The following NEB variants were observed in gnomAD, a reference collection of about 807,000 sequenced individuals.
NEB encodes the protein nebulin.
A neutral mutation model predicts 952.2 loss-of-function variants in NEB; 512 were observed. The ratio of observed to expected loss-of-function variants is 0.54; its 90% CI spans 0.50 to 0.58. NEB has a LOEUF of 0.58. Ranked by LOEUF, NEB falls within the 20% of genes least tolerant of loss-of-function variation. The probability of loss-of-function intolerance (pLI) is 0.00; values close to 1 mark genes in which losing one functional copy is unlikely to be tolerated. For missense variants in NEB, 8,428 were observed against 9,231.1 expected (o/e 0.91, Z 3.56); for synonymous variants, 2,900 against 3,149.8 (o/e 0.92, Z 2.66).
At chr2:151,551,916 G>A (rs1359654734) in intron 128 of NEB, 71 bp from the exon 129 acceptor site, 7 of 1,068,162 alleles carry the variant, frequency 6.6e-6, no homozygotes, top group East Asian at 5.1e-5. Context: ...AAAAAATAAC[G>A]GTAGCCTGCT....
Position 151,639,833 on chromosome 2 carries a change from C to T in NEB, c.8889+24G>A, listed in dbSNP as rs781113210. 5.1e-6 allele frequency: 8 copies of T among 1,582,414 alleles called. 1 individual carries two copies. The Middle Eastern group carries it at 5.0e-4, about 99-fold the overall frequency. ...TGATTCAGCTTTAGGAGCCCCACTT[C>T]GATTCTTAATTTTGAAGTCTCACCT... On this transcript the variant is annotated intron_variant, in intron 62 of 181. Coordinates refer to ENST00000397345, the MANE Select transcript of NEB (RefSeq NM_001164508.2).
chr2:151,530,963 A>G, intron 145 of NEB, 31 bp downstream of exon 145: 6 of 1,452,060 alleles, frequency 4.1e-6, no homozygotes, highest in Non-Finnish European at 5.8e-6. Flanking sequence ...GGCCAAGATG[A>G]GAGGGACTGC....
chr2:151,619,052 A>C (rs922424958), intron 73 of NEB, among the ~76,000 whole-genome samples: 11 of 152,246 alleles, frequency 7.2e-5, no homozygotes, highest in African/African-American at 2.7e-4. Context: ...TAAGTATAAA[A>C]TGTAAATTAA....
Position 151,617,390 on chromosome 2 carries a change from T to C in NEB, c.11155A>G (p.Lys3719Glu), listed in dbSNP as rs1401724941. 1 of 1,565,980 alleles carries C rather than the reference T, an allele frequency of 6.4e-7. No homozygotes were observed. Among genetic ancestry groups the C allele is most frequent in the Non-Finnish European group, 8.7e-7 (1 of 1,152,372 alleles). The change falls in exon 75 of 182, where the codon AAA becomes GAA. Residue 3719 changes from lysine (K) to glutamate (E), a missense_variant. Lys to Glu is a moderately conservative substitution (Grantham distance 56, BLOSUM62 1). Around this residue, in one of 11 missense-constraint regions of NEB, gnomAD observed 1,772 missense variants for 1,960.3 expected, o/e 0.90. Transcript: ENST00000397345. The stretch of plus-strand genomic sequence containing the variant: ...TCACTGTAGTTTATTCGGTTGAGTT[T>C]GGCTAACATGATTTCTGGTGTATCA... Reference protein sequence around the residue: ...MPDTPEIMLAKLNRINYSDKL... With the variant: ...MPDTPEIMLAELNRINYSDKL...
intron 59 of NEB, 37 bp from the exon 60 acceptor site, chr2:151,642,718 G>A: frequency 6.2e-7 from 1 of 1,608,148 alleles, no homozygotes. Flanking sequence ...GATTTATAAA[G>A]TGCATTGTAA....
intron 145 of NEB, among the ~76,000 whole-genome samples, chr2:151,530,034 C>G (rs1268145399): frequency 1.3e-5 from 2 of 152,170 alleles, no homozygotes; most frequent in African/African-American, 4.8e-5. Context: ...TAGCTATTAT[C>G]ATATCGTGTT....
rs1224649181 is a variant in NEB, at chr2:151,687,680, T to C, written c.2469A>G (p.Lys823=). ...EKSKAKKFDI[K]VDAIPLLAAK... ...CTGCCAACAGGGGAATGGCGTCCAC[T>C]TTAATGTCAAACTTCTTGGCTTTGC... The change falls in exon 26 of 182, where the codon AAA becomes AAG. Residue 823 remains lysine, a synonymous_variant. Transcript: ENST00000397345. 4.4e-6 allele frequency: 7 copies of C among 1,606,736 alleles called. No individual in the cohort carries two copies. The highest frequency in any genetic ancestry group is 4.3e-6 in the Non-Finnish European group (5 of 1,175,840).
Position 151,572,473 on chromosome 2 carries a change from ATATATATATTGAATATT to A in NEB, c.17014-1889_17014-1873del, listed in dbSNP as rs1410028199. 2.4e-4 allele frequency among the ~76,000 whole-genome samples: 35 copies of A among 147,300 alleles called. 1 individual carries two copies. The highest frequency in any genetic ancestry group is 7.4e-4 in the African/African-American group (30 of 40,466). Reference sequence around the variant, plus strand: ...TATGTAATGCTTTTTATGAGATTGAATATATATATTGAATATTTATATATATTGAATATTTATATATA... The same window carrying A: ...TATGTAATGCTTTTTATGAGATTGAATATATATATTGAATATTTATATATA... On this transcript the variant is annotated intron_variant, in intron 107 of 181. Coordinates refer to ENST00000397345, the MANE Select transcript of NEB (RefSeq NM_001164508.2).
At position 151,659,062 on chromosome 2, in the gene NEB, T is replaced by A. The variant is rs986325764; in HGVS notation, c.6075+3A>T. On this transcript the variant is annotated splice_donor_region_variant and intron_variant, in intron 47 of 181. Transcript: ENST00000397345. The stretch of plus-strand genomic sequence containing the variant: ...AGATGACAACAGGGGGAACTATACT[T>A]ACATCACTCATATTAATTGCATTTG... The A allele has an allele frequency of 1.3e-5, 20 of 1,568,090 alleles. No homozygotes were observed. Among genetic ancestry groups the A allele is most frequent in the Non-Finnish European group, 1.8e-5 (20 of 1,138,178 alleles).
chr2:151,489,972 C>G lies in NEB; in HGVS notation c.25403G>C (p.Gly8468Ala). The change falls in exon 181 of 182, where the codon GGA (glycine) becomes GCA (alanine). Residue 8468 changes from glycine to alanine, a missense_variant and splice_region_variant. This residue lies in a region of NEB where 3,374 missense variants were observed against 3,651.5 expected (regional missense o/e 0.92). Coordinates refer to ENST00000397345, the MANE Select transcript of NEB (RefSeq NM_001164508.2). ...SSIPSHPSTA[G>A]KIFRAMYDYM... ...TTAAGTGAGTTGTTATTCACTTACT[C>G]CAGCAGTAGATGGATGAGATGGGAT... The G allele has an allele frequency of 6.3e-7, 1 of 1,581,026 alleles. No homozygotes were observed. Among genetic ancestry groups the G allele is most frequent in the Non-Finnish European group, 8.7e-7 (1 of 1,150,034 alleles).
chr2:151,638,836 TGTGG>T (rs367621870), intron 63 of NEB, among the ~76,000 whole-genome samples: 1 of 148,126 alleles, frequency 6.8e-6, no homozygotes, highest in East Asian at 2.1e-4. Context: ...TGTGTGTGTG[TGTGG>T]GTTACCTGGT....
chr2:151,715,017 G>A (rs902249058), intron 10 of NEB, among the ~76,000 whole-genome samples: 11 of 152,172 alleles, frequency 7.2e-5, no homozygotes, highest in African/African-American at 2.4e-4. Context: ...GTTAAGACTG[G>A]GAATAAATAA....
At chr2:151,563,424 G>C (rs937882425) in intron 119 of NEB, among the ~76,000 whole-genome samples, 182 bp downstream of exon 119, 1 of 152,140 alleles carries the variant, frequency 6.6e-6, no homozygotes, top group African/African-American at 2.4e-5. Flanking sequence ...AAGTGGCAGG[G>C]AGGAAGCACA....
At chr2:151,566,119 G>A (rs936107030) in intron 114 of NEB, among the ~76,000 whole-genome samples, 1 of 152,174 alleles carries the variant, frequency 6.6e-6, no homozygotes, top group Non-Finnish European at 1.5e-5. Context: ...TTGAGGGGAA[G>A]GGGCTGTTAT....
At chr2:151,525,903 A>G (rs2085478638) in intron 150 of NEB, 55 bp downstream of exon 150, 3 of 1,359,352 alleles carry the variant, frequency 2.2e-6, no homozygotes, top group Admixed American at 1.7e-5. Context: ...ATTTCACCAG[A>G]TTCTACAGTC....
chr2:151,552,761 G>A lies in NEB; in HGVS notation c.19747C>T (p.His6583Tyr). Residue 6583 changes from histidine (H) to tyrosine (Y), a missense_variant, in exon 128 of 182, where the codon CAC becomes TAC. His to Tyr is a moderately conservative substitution (Grantham distance 83). Around this residue, in one of 11 missense-constraint regions of NEB, gnomAD observed 3,374 missense variants for 3,651.5 expected, o/e 0.92. Transcript: ENST00000397345. Reference protein sequence around the residue: ...DLRDDIKYKAHMLKTRNDYKL... With the variant: ...DLRDDIKYKAYMLKTRNDYKL... ...TAGTCATTCCTTGTTTTCAACATGTGAGCTTTATACTTGATCTGCCGAGAG... is the reference window on the plus strand; with the variant it reads ...TAGTCATTCCTTGTTTTCAACATGTAAGCTTTATACTTGATCTGCCGAGAG... 6.2e-7 allele frequency: 1 copy of A among 1,612,452 alleles called. No homozygotes were observed. Among genetic ancestry groups the A allele is most frequent in the Non-Finnish European group, 8.5e-7 (1 of 1,179,038 alleles).
At chr2:151,532,993 A>G (rs1217565411) in intron 143 of NEB, among the ~76,000 whole-genome samples, 1 of 152,176 alleles carries the variant, frequency 6.6e-6, no homozygotes, top group East Asian at 1.9e-4. Context: ...AATATATACA[A>G]TATTCATAGA....
intron 96 of NEB, among the ~76,000 whole-genome samples, chr2:151,590,975 T>TA (rs1456968137): frequency 1.5e-4 from 4 of 25,936 alleles, no homozygotes; most frequent in African/African-American, 6.4e-4. Flanking sequence ...ATAACTATTT[T>TA]AAAAAAATAC....
At chr2:151,567,893 A>G in intron 113 of NEB, among the ~76,000 whole-genome samples, 178 bp downstream of exon 113, 1 of 152,140 alleles carries the variant, frequency 6.6e-6, no homozygotes, top group East Asian at 1.9e-4. Context: ...AGAAAGCTCA[A>G]AGCCCATGGA....
Sources: allele counts gnomAD v4.1 joint callset (sites outside exome capture counted in the v4.1 genomes callset), GRCh38; gene constraint gnomAD v4.1.1; regional missense constraint gnomAD v4.1.1; transcripts MANE v1.5; gene names NCBI Gene and HGNC (gene_info 2026-07-23, HGNC 2026-07-21).